Variants in PPM1E observed in about 807,000 individuals in gnomAD.
PPM1E encodes the protein protein phosphatase, Mg2+/Mn2+ dependent 1E.
In PPM1E, 20 loss-of-function variants were observed where a neutral mutation model predicts 65.9. That is an observed-to-expected ratio of 0.30 (90% CI 0.21 to 0.44). The LOEUF (loss-of-function observed/expected upper bound fraction) is 0.44, where lower values mean the gene tolerates loss of function less well. PPM1E is among the 20% of genes least tolerant of loss of function. The probability of loss-of-function intolerance (pLI) is 1.00; values close to 1 mark genes in which losing one functional copy is unlikely to be tolerated. For missense variants in PPM1E, 713 were observed against 953.1 expected, an observed-to-expected ratio of 0.75 and a Z score of 3.32; for synonymous variants, 352 against 374.9, an observed-to-expected ratio of 0.94 and a Z score of 0.70.
chr17:58,811,252 T>A (rs976840077), intron 1 of PPM1E, among the ~76,000 whole-genome samples: 1 of 152,190 alleles, frequency 6.6e-6, no homozygotes, highest in Non-Finnish European at 1.5e-5. Flanking sequence ...AGGTGACATG[T>A]TGAAAGGTAT....
At chr17:58,824,716 G>C (rs1199763746) in intron 1 of PPM1E, among the ~76,000 whole-genome samples, 1 of 150,854 alleles carries the variant, frequency 6.6e-6, no homozygotes, top group East Asian at 1.9e-4. Context: ...AGGCTCCCGA[G>C]TAGCTGGGAC....
chr17:58,965,585 A>G (rs1192137368), intron 2 of PPM1E, 109 bp from the exon 3 acceptor site: 9 of 1,016,322 alleles, frequency 8.9e-6, no homozygotes, highest in African/African-American at 4.8e-5. Flanking sequence ...AATTTCTTCT[A>G]TGAAGGAGGA....
At chr17:58,792,071 C>T (rs891965531) in intron 1 of PPM1E, among the ~76,000 whole-genome samples, 8 of 151,420 alleles carry the variant, frequency 5.3e-5, no homozygotes, top group African/African-American at 1.9e-4. Flanking sequence ...GGTATTTTTC[C>T]TTCTTTCTGC....
intron 1 of PPM1E, among the ~76,000 whole-genome samples, chr17:58,905,972 G>T (rs116472177): frequency 0.011 from 1,697 of 152,158 alleles, 36 homozygotes; most frequent in African/African-American, 0.039. Flanking sequence ...ATTTTGAAAG[G>T]TTATTAATTA....
At chr17:58,814,571 A>T (rs1489791825) in intron 1 of PPM1E, among the ~76,000 whole-genome samples, 2 of 152,158 alleles carry the variant, frequency 1.3e-5, no homozygotes, top group Non-Finnish European at 2.9e-5. Context: ...CCAGATACAG[A>T]TAATACCTTT....
chr17:58,901,942 CT>C (rs2143472944), intron 1 of PPM1E, among the ~76,000 whole-genome samples: 1 of 152,172 alleles, frequency 6.6e-6, no homozygotes, highest in South Asian at 2.1e-4. Context: ...TGCCATTGCA[CT>C]CCAGCCTGGG....
chr17:58,889,893 T>A (rs2051324903), intron 1 of PPM1E, among the ~76,000 whole-genome samples: 1 of 152,254 alleles, frequency 6.6e-6, no homozygotes, highest in Non-Finnish European at 1.5e-5. Flanking sequence ...TATAGTTGAT[T>A]ATTCATTACT....
chr17:58,774,663 A>T (rs2049975977), intron 1 of PPM1E, among the ~76,000 whole-genome samples: 1 of 151,730 alleles, frequency 6.6e-6, no homozygotes, highest in African/African-American at 2.4e-5. Flanking sequence ...TTTGCTCCTT[A>T]TTTTTCTGTA....
chr17:58,903,616 G>C (rs2051522443), intron 1 of PPM1E, among the ~76,000 whole-genome samples: 1 of 152,142 alleles, frequency 6.6e-6, no homozygotes, highest in African/African-American at 2.4e-5. Context: ...ATATTGTCCT[G>C]CCACACTGAC....
chr17:58,907,615 C>A (rs1370744300), intron 1 of PPM1E, among the ~76,000 whole-genome samples: 1 of 152,198 alleles, frequency 6.6e-6, no homozygotes, highest in Non-Finnish European at 1.5e-5. Context: ...GTAGTGGATT[C>A]ATCTCTTTGT....
intron 1 of PPM1E, among the ~76,000 whole-genome samples, chr17:58,877,907 T>C (rs1441574756): frequency 6.6e-6 from 1 of 152,038 alleles, no homozygotes; most frequent in Non-Finnish European, 1.5e-5. Context: ...AGAGGGATTA[T>C]GGTAAGAGGA....
chr17:58,883,481 TTC>T (rs1389355945), intron 1 of PPM1E, among the ~76,000 whole-genome samples: 27 of 143,212 alleles, frequency 1.9e-4, no homozygotes, highest in African/African-American at 6.4e-4. Flanking sequence ...TCGCTGCCTG[TTC>T]TTTTTTTTTT....
intron 1 of PPM1E, among the ~76,000 whole-genome samples, chr17:58,916,765 T>G (rs1456256200): frequency 6.6e-6 from 1 of 152,222 alleles, no homozygotes; most frequent in Non-Finnish European, 1.5e-5. Flanking sequence ...TTAATACATA[T>G]AGTACCTATC....
rs544816712 is a variant in PPM1E at position 58,892,770 on chromosome 17, C to G, written c.465-62879C>G. ...AAGAAAATGGACAACCCAATTTAAA[C>G]ATGGGCAAAAGACCTGAACACACAC... On this transcript the variant is annotated intron_variant, in intron 1 of 6. Coordinates refer to ENST00000308249, the MANE Select transcript of PPM1E (RefSeq NM_014906.5). Among the ~76,000 whole-genome samples the G allele has an allele frequency of 3.3e-4, 50 of 152,210 alleles. 1 individual carries two copies. Among genetic ancestry groups the G allele is most frequent in the Admixed American group, 3.1e-3 (48 of 15,288 alleles).
At chr17:58,830,937 G>A (rs113341487) in intron 1 of PPM1E, among the ~76,000 whole-genome samples, 2 of 151,502 alleles carry the variant, frequency 1.3e-5, no homozygotes, top group African/African-American at 4.9e-5. Context: ...CACCCGCCTT[G>A]GCCTCCCAAA....
At position 58,756,296 on chromosome 17, in the gene PPM1E, A is replaced by T; in HGVS notation, c.299A>T (p.Glu100Val). ...GCGGTTGAGGGTGAGGAGGAGGAGG[A>T]GGGCGCGGCGACGGCGGCGGCAGCC... Reference protein sequence around the residue: ...EAAVEGEEEEEGAATAAAAPG... With the variant: ...EAAVEGEEEEVGAATAAAAPG... Residue 100 changes from glutamate (E) to valine (V), a missense_variant, in exon 1 of 7, where the codon GAG (glutamate) becomes GTG (valine). Physicochemically the swap from Glu to Val is moderately radical, Grantham distance 121. This residue lies in a region of PPM1E where 212 missense variants were observed against 204.0 expected (regional missense o/e 1.04). Coordinates refer to ENST00000308249, the MANE Select transcript of PPM1E (RefSeq NM_014906.5). The T allele has an allele frequency of 6.6e-7, 1 of 1,515,276 alleles. No homozygotes were observed. 93.9% of individuals were successfully genotyped at this position (1,515,276 alleles called of 1,614,324 possible).
chr17:58,912,550 T>C (rs1751983357), intron 1 of PPM1E, among the ~76,000 whole-genome samples: 1 of 152,180 alleles, frequency 6.6e-6, no homozygotes, highest in Non-Finnish European at 1.5e-5. Flanking sequence ...TTGTAGGAGA[T>C]GGTCAGTGTG....
intron 1 of PPM1E, among the ~76,000 whole-genome samples, chr17:58,769,497 T>TGAGGTGGGAGGATGATCTG (rs1201805133): frequency 6.6e-6 from 1 of 151,982 alleles, no homozygotes; most frequent in Non-Finnish European, 1.5e-5. Flanking sequence ...CTCGGGAGGC[T>TGAGGTGGGAGGATGATCTG]GAGGTGGGAG....
intron 1 of PPM1E, among the ~76,000 whole-genome samples, chr17:58,883,608 C>T (rs2051230116): frequency 6.6e-6 from 1 of 150,678 alleles, no homozygotes; most frequent in African/African-American, 2.4e-5. Context: ...CTCAGCCTCC[C>T]GCGTAGCTGG....
Sources: allele counts gnomAD v4.1 joint callset (sites outside exome capture counted in the v4.1 genomes callset), GRCh38; gene constraint gnomAD v4.1.1; regional missense constraint gnomAD v4.1.1; transcripts MANE v1.5; gene names NCBI Gene and HGNC (gene_info 2026-07-23, HGNC 2026-07-21).